The following STATH variants were observed in gnomAD, a reference collection of about 807,000 sequenced individuals.
STATH encodes the protein statherin.
A neutral mutation model predicts 13.3 loss-of-function variants in STATH; 11 were observed. That is an observed-to-expected ratio of 0.83 (90% confidence interval 0.52 to 1.37). The LOEUF is 1.37. STATH is among the 40% of genes most tolerant of loss of function. STATH has a pLI of 0.00. For missense variants in STATH, 78 were observed against 73.3 expected (o/e 1.06, Z -0.24); for synonymous variants, 25 against 23.6 (o/e 1.06, Z -0.17).
In STATH at chr4:69,999,807, G is replaced by T. The variant is rs776585042; in HGVS notation, c.100G>T (p.Gly34Cys). The T allele has an allele frequency of 1.2e-6, 2 of 1,611,712 alleles. No homozygotes were observed. The highest frequency in any genetic ancestry group is 8.5e-7 in the Non-Finnish European group (1 of 1,178,748). Reference protein sequence around the residue: ...EKFLRRIGRFGYGYGPYQPVP... With the variant: ...EKFLRRIGRFCYGYGPYQPVP... ...ATTTTTGCGTAGAATTGGAAGATTCGGTGTAAGTGTTCTCTGATAATGCTG... is the reference window on the plus strand; with the variant it reads ...ATTTTTGCGTAGAATTGGAAGATTCTGTGTAAGTGTTCTCTGATAATGCTG... Residue 34 changes from glycine (G) to cysteine (C), a missense_variant and splice_region_variant, in exon 4 of 6, where the codon GGT becomes TGT. Physicochemically the swap from Gly to Cys is radical, Grantham distance 159 (BLOSUM62 -3). Transcript: ENST00000246895.
chr4:69,999,896 T>C (rs1271079699), intron 4 of STATH, 87 bp downstream of exon 4: 31 of 1,471,828 alleles, frequency 2.1e-5, no homozygotes, highest in Non-Finnish European at 2.8e-5. Flanking sequence ...TACTTATTTC[T>C]CAAATATGTG....
intron 1 of STATH, among the ~76,000 whole-genome samples, chr4:69,996,455 T>C (rs1327836991): frequency 2.0e-5 from 3 of 152,166 alleles, no homozygotes; most frequent in Non-Finnish European, 4.4e-5. Context: ...TTTTTTCCCA[T>C]AAGTAAACAT....
chr4:69,999,261 TA>T, intron 2 of STATH: 1 of 164,114 alleles, frequency 6.1e-6, no homozygotes, highest in Non-Finnish European at 1.3e-5. Flanking sequence ...GTCTAAAAAA[TA>T]AAAAATAAAA....
intron 2 of STATH, chr4:69,998,995 C>CGT (rs1724577065): frequency 6.6e-6 from 1 of 152,380 alleles, no homozygotes; most frequent in Admixed American, 6.5e-5. Context: ...AGATCTATGA[C>CGT]ATGTTATGAG....
chr4:69,999,921 G>A lies in STATH; in HGVS notation c.102+112G>A, dbSNP rs1724610432. ...TCAAATATGTGTAGTAGTTGCAAAA[G>A]TGTGCTTTGTTTTCCTCTATTTATG... On this transcript the variant is annotated intron_variant, in intron 4 of 5. Transcript: ENST00000246895. 3 of 1,233,936 alleles carry A rather than the reference G, an allele frequency of 2.4e-6. No individual in the cohort carries two copies. In the African/African-American group the frequency reaches 4.5e-5, roughly 19 times the overall value. The allele number at this position is 1,233,936 out of a possible 1,614,324, so 76.4% of individuals were successfully genotyped here.
intron 1 of STATH, 62 bp from the exon 2 acceptor site, chr4:69,998,361 T>G: frequency 7.6e-7 from 1 of 1,312,816 alleles, no homozygotes; most frequent in Non-Finnish European, 1.1e-6. Context: ...GTATAATCAA[T>G]AAACTTTTGA....
intron 4 of STATH, 50 bp downstream of exon 4, chr4:69,999,859 G>A: frequency 6.3e-7 from 1 of 1,592,176 alleles, no homozygotes; most frequent in Non-Finnish European, 8.6e-7. Context: ...TGTGTTCTCT[G>A]ATTACTTATT....
chr4:69,999,640 C>A lies in STATH; in HGVS notation c.52-27C>A, dbSNP rs758664636. ...TGGAATTATAACATTAAGATACTAA[C>A]TATTGTCTAATTTTCTGTTTTCTAA... On this transcript the variant is annotated intron_variant, in intron 2 of 5. Coordinates refer to ENST00000246895, the MANE Select transcript of STATH (RefSeq NM_003154.3). The A allele has an allele frequency of 6.2e-6, 10 of 1,604,618 alleles. No individual in the cohort carries two copies. In the Admixed American group the frequency reaches 1.7e-4, roughly 27 times the overall value.
rs3733495 is a variant in STATH, at chr4:69,996,210, T to C, written c.-16+185T>C. Among the ~76,000 whole-genome samples, 124 of 152,240 alleles carry C rather than the reference T, an allele frequency of 8.1e-4. No individual in the cohort carries two copies. In the East Asian group the frequency reaches 0.024, roughly 29 times the overall value. On this transcript the variant is annotated intron_variant, in intron 1 of 5. Coordinates refer to ENST00000246895, the MANE Select transcript of STATH (RefSeq NM_003154.3). ...AGTTGAGAATCTGAATAACTATACA[T>C]TGAAATCAGCAATCATCATGCAAAG... is the stretch of plus-strand genomic sequence containing the variant.
At chr4:69,996,906 T>A (rs1170897071) in intron 1 of STATH, among the ~76,000 whole-genome samples, 1 of 150,482 alleles carries the variant, frequency 6.6e-6, no homozygotes, top group Non-Finnish European at 1.5e-5. Context: ...TTTTTACACT[T>A]ACTCTAATAC....
intron 4 of STATH, 28 bp downstream of exon 4, chr4:69,999,837 G>A: frequency 6.2e-7 from 1 of 1,609,630 alleles, no homozygotes; most frequent in South Asian, 1.1e-5. Context: ...ATGCTGTGTA[G>A]TCCAAATAAA....
intron 5 of STATH, 138 bp downstream of exon 5, chr4:70,001,120 T>C (rs1724654735): frequency 7.1e-6 from 4 of 564,084 alleles, no homozygotes; most frequent in Non-Finnish European, 1.2e-5. Context: ...CCTTGAAATG[T>C]ATTAATTTAT....
chr4:69,997,359 A>AT (rs920913568), intron 1 of STATH, among the ~76,000 whole-genome samples: 8 of 152,024 alleles, frequency 5.3e-5, no homozygotes, highest in Admixed American at 3.3e-4. Context: ...AATAACAGTA[A>AT]TTTTTTTTAT....
intron 5 of STATH, 77 bp from the exon 6 acceptor site, chr4:70,002,112 T>C (rs1436632662): frequency 1.3e-5 from 2 of 151,752 alleles, no homozygotes; most frequent in African/African-American, 4.8e-5. Flanking sequence ...ATCTACTCTG[T>C]ACCAGGCCAG....
At chr4:69,996,823 CT>C (rs1460036024) in intron 1 of STATH, among the ~76,000 whole-genome samples, 5 of 150,442 alleles carry the variant, frequency 3.3e-5, no homozygotes, top group Non-Finnish European at 5.9e-5. Flanking sequence ...AGTTTTTATG[CT>C]TTTTGCATCA....
At position 70,000,951 on chromosome 4, in the gene STATH, A is replaced by G. The variant is rs1030787522; in HGVS notation, c.*2A>G. ...CAATACCAACAATATACCTTTTAATATCATCAGTAACTGCAGGACATGATT... is the reference window on the plus strand; with the variant it reads ...CAATACCAACAATATACCTTTTAATGTCATCAGTAACTGCAGGACATGATT... On this transcript the variant is annotated 3_prime_UTR_variant, in exon 5 of 6. Coordinates refer to ENST00000246895, the MANE Select transcript of STATH (RefSeq NM_003154.3). The G allele has an allele frequency of 2.5e-6, 4 of 1,609,794 alleles. No homozygotes were observed. The highest frequency in any genetic ancestry group is 2.2e-5 in the East Asian group (1 of 44,798).
chr4:70,000,935 C>A lies in STATH; in HGVS notation c.175C>A (p.Gln59Lys), dbSNP rs1192712739. ...YPQPYQPQYQ[Q>K]YTF Reference sequence around the variant, plus strand: ...ACAACCATACCAACCACAATACCAACAATATACCTTTTAATATCATCAGTA... The same window carrying A: ...ACAACCATACCAACCACAATACCAAAAATATACCTTTTAATATCATCAGTA... The change falls in exon 5 of 6, where the codon CAA becomes AAA. Residue 59 changes from glutamine to lysine, a missense_variant. Coordinates refer to ENST00000246895, the MANE Select transcript of STATH (RefSeq NM_003154.3). 6.2e-7 allele frequency: 1 copy of A among 1,611,628 alleles called. No individual in the cohort carries two copies. Among genetic ancestry groups the A allele is most frequent in the East Asian group, 2.2e-5 (1 of 44,810 alleles).
chr4:69,997,147 T>C lies in STATH; in HGVS notation c.-16+1122T>C, dbSNP rs538717433. 2.6e-3 allele frequency among the ~76,000 whole-genome samples: 401 copies of C among 152,102 alleles called. 2 individuals are homozygous for C. The highest frequency in any genetic ancestry group is 9.0e-3 in the African/African-American group (373 of 41,506). The stretch of plus-strand genomic sequence containing the variant: ...TTTTAGTAGAGACGGGGTTTCTCCA[T>C]GTTGGTCAGGCTGGTCTTGAACTCC... On this transcript the variant is annotated intron_variant, in intron 1 of 5. Transcript: ENST00000246895.
At chr4:70,000,836 A>G in intron 4 of STATH, 27 bp from the exon 5 acceptor site, 1 of 1,584,008 alleles carries the variant, frequency 6.3e-7, no homozygotes, top group Non-Finnish European at 8.7e-7. Flanking sequence ...ATTTTCTGCA[A>G]TTTTCTTTCT....
Sources: gnomAD v4.1 joint callset for allele counts (sites outside exome capture counted in the v4.1 genomes callset) on GRCh38, gnomAD v4.1.1 for gene constraint, MANE v1.5 for transcripts, NCBI Gene and HGNC (gene_info 2026-07-23, HGNC 2026-07-21) for gene names.